Variants in CENPE observed in about 807,000 individuals in gnomAD.
CENPE encodes the protein centromere protein E.
A neutral mutation model predicts 336.1 loss-of-function variants in CENPE; 145 were observed. The ratio of observed to expected loss-of-function variants is 0.43; its 90% CI spans 0.38 to 0.50. CENPE has a LOEUF of 0.50. Ranked by LOEUF, CENPE falls within the 20% of genes least tolerant of loss-of-function variation. The probability of loss-of-function intolerance (pLI) is 0.00; values close to 1 mark genes in which losing one functional copy is unlikely to be tolerated. For missense variants in CENPE, 2,719 were observed against 3,023.3 expected, an observed-to-expected ratio of 0.90 and a Z score of 2.36; for synonymous variants, 1,013 against 984.8, an observed-to-expected ratio of 1.03 and a Z score of -0.54.
intron 25 of CENPE, 26 bp from the exon 26 acceptor site, chr4:103,151,403 T>C: frequency 6.7e-7 from 1 of 1,493,554 alleles, no homozygotes. Flanking sequence ...AAGTTGAGAT[T>C]AAAGTAAATA....
intron 46 of CENPE, among the ~76,000 whole-genome samples, chr4:103,114,045 CAG>C (rs1249278993): frequency 1.3e-5 from 2 of 151,996 alleles, no homozygotes; most frequent in Non-Finnish European, 1.5e-5. Context: ...CAAGAACAAA[CAG>C]AATAGTATTT....
At chr4:103,167,801 C>T (rs1206595378) in intron 16 of CENPE, among the ~76,000 whole-genome samples, 1 of 152,186 alleles carries the variant, frequency 6.6e-6, no homozygotes, top group African/African-American at 2.4e-5. Context: ...TTAGCTACAG[C>T]CCTGTTTGGC....
chr4:103,146,222 G>C lies in CENPE; in HGVS notation c.4135-115C>G, dbSNP rs72946150. On this transcript the variant is annotated intron_variant, in intron 29 of 48. Transcript: ENST00000265148. ...GGCAGGATTCAGTGCCTCATTTACA[G>C]AGCAATCTCTCCATTCTCCCACTCT... The C allele has an allele frequency of 8.8e-4, 776 of 883,508 alleles. 4 individuals are homozygous for C. The African/African-American group carries it at 0.012, about 13-fold the overall frequency. 54.7% of individuals were successfully genotyped at this position (883,508 alleles called of 1,614,324 possible). A position where few individuals can be genotyped will look rare whatever the true frequency, so the allele number is the denominator to read the frequency against.
chr4:103,147,214 C>T (rs764059470), intron 29 of CENPE, 142 bp downstream of exon 29: 200 of 642,664 alleles, frequency 3.1e-4, no homozygotes, highest in Middle Eastern at 4.4e-4. Flanking sequence ...TTTAATTGTT[C>T]TGTTTCTAGT....
Position 103,194,370 on chromosome 4 carries a change from C to G in CENPE, c.627+4G>C, listed in dbSNP as rs1757585473. The G allele has an allele frequency of 6.2e-7, 1 of 1,605,356 alleles. No individual in the cohort carries two copies. The highest frequency in any genetic ancestry group is 1.7e-5 in the Admixed American group (1 of 59,758). On this transcript the variant is annotated splice_donor_region_variant and intron_variant, in intron 7 of 48. Coordinates refer to ENST00000265148, the MANE Select transcript of CENPE (RefSeq NM_001813.3). ...AGATCTAACAGATAGATAGAATTAC[C>G]TACCATCCTAAAGATGGTATGAGAA...
chr4:103,168,999 G>A (rs749798840), intron 16 of CENPE, among the ~76,000 whole-genome samples: 3 of 152,180 alleles, frequency 2.0e-5, no homozygotes, highest in Non-Finnish European at 2.9e-5. Flanking sequence ...AGATGGAGAT[G>A]TATTATCTGC....
chr4:103,178,277 T>A (rs1242639818), intron 13 of CENPE, among the ~76,000 whole-genome samples: 1 of 152,134 alleles, frequency 6.6e-6, no homozygotes, highest in Non-Finnish European at 1.5e-5. Flanking sequence ...CAAGATAAAC[T>A]GGACCTTTAA....
intron 9 of CENPE, among the ~76,000 whole-genome samples, chr4:103,185,382 T>C (rs1400490448): frequency 6.6e-6 from 1 of 151,884 alleles, no homozygotes; most frequent in Non-Finnish European, 1.5e-5. Flanking sequence ...AGATATCACA[T>C]CTTTTAGGTT....
rs902710736 is a variant in CENPE, at chr4:103,147,241, G to T, written c.4134+115C>A. The T allele has an allele frequency of 1.2e-5, 10 of 861,238 alleles. No homozygotes were observed. The African/African-American group carries it at 1.7e-4, about 15-fold the overall frequency. The allele number at this position is 861,238 out of a possible 1,614,324, so 53.3% of individuals were successfully genotyped here. On this transcript the variant is annotated intron_variant, in intron 29 of 48. Coordinates refer to ENST00000265148, the MANE Select transcript of CENPE (RefSeq NM_001813.3). ...GTTTCTAGTCATTTCATGATTAAGA[G>T]ACATTAAAAAAACTGGTAACATAAT...
At chr4:103,134,134 A>G (rs781563640) in intron 40 of CENPE, among the ~76,000 whole-genome samples, 1 of 152,178 alleles carries the variant, frequency 6.6e-6, no homozygotes, top group Admixed American at 6.5e-5. Flanking sequence ...TACTTCTTGG[A>G]TGTCTTACAA....
intron 44 of CENPE, among the ~76,000 whole-genome samples, chr4:103,118,046 G>T (rs1337966820): frequency 1.3e-5 from 2 of 152,180 alleles, no homozygotes; most frequent in Admixed American, 6.5e-5. Flanking sequence ...ACATACACAT[G>T]CAGCCCTTTG....
Position 103,180,380 on chromosome 4 carries a change from A to G in CENPE, c.1173T>C (p.Asn391=), listed in dbSNP as rs1286367325. The G allele has an allele frequency of 6.2e-7, 1 of 1,613,248 alleles. No homozygotes were observed. The highest frequency in any genetic ancestry group is 1.7e-5 in the Admixed American group (1 of 59,986). ...EEKDLLQKVQ[N]EKIENLTRML... ...TCCGTGTTAAGTTTTCAATTTTCTC[A>G]TTCTGTACTTTCTGAAGCAAATCTT... The change falls in exon 13 of 49, where the codon AAT becomes AAC. Residue 391 remains asparagine (N), a synonymous_variant. Coordinates refer to ENST00000265148, the MANE Select transcript of CENPE (RefSeq NM_001813.3).
chr4:103,158,404 G>A lies in CENPE; in HGVS notation c.2929C>T (p.Gln977Ter), dbSNP rs1360457578. 2.5e-6 allele frequency: 4 copies of A among 1,605,594 alleles called. No individual in the cohort carries two copies. Among genetic ancestry groups the A allele is most frequent in the South Asian group, 2.2e-5 (2 of 90,060 alleles). ...GATTTTAGTGTATTAATTGTTTCTTGATGTTGTTTCAGAGACTCAAGAGCA... is the reference window on the plus strand; with the variant it reads ...GATTTTAGTGTATTAATTGTTTCTTAATGTTGTTTCAGAGACTCAAGAGCA... ...RNALESLKQH[Q>*]ETINTLKSKI... Residue 977 changes from glutamine (Q) to a stop codon, truncating the protein, a stop_gained, in exon 24 of 49, where the codon CAA becomes TAA. Coordinates refer to ENST00000265148, the MANE Select transcript of CENPE (RefSeq NM_001813.3). LOFTEE classifies it high-confidence loss of function.
rs1223974285 is a variant in CENPE at position 103,141,018 on chromosome 4, C to T, written c.5550G>A (p.Glu1850=). ...GGTCTTTTATTTGTTTCTTTAGTTG[C>T]TCCATTTCAGACACTTTTTTCTGTG... ...NETQKKVSEM[E]QLKKQIKDQS... is the part of the protein sequence containing the mutation. Residue 1850 remains glutamate, a synonymous_variant, in exon 36 of 49, where the codon GAG becomes GAA. Transcript: ENST00000265148. 1.9e-6 allele frequency: 3 copies of T among 1,605,046 alleles called. No homozygotes were observed. The highest frequency in any genetic ancestry group is 2.6e-6 in the Non-Finnish European group (3 of 1,173,152).
intron 44 of CENPE, among the ~76,000 whole-genome samples, chr4:103,117,070 A>G (rs2125854858): frequency 6.6e-6 from 1 of 152,328 alleles, no homozygotes; most frequent in Middle Eastern, 3.4e-3. Context: ...GCAGTGATGT[A>G]AACATCAAAC....
chr4:103,162,456 T>C (rs1244241577), intron 18 of CENPE, among the ~76,000 whole-genome samples: 1 of 152,146 alleles, frequency 6.6e-6, no homozygotes, highest in Non-Finnish European at 1.5e-5. Flanking sequence ...TAAAATCATC[T>C]AGAGCTATAA....
rs556377349 is a variant in CENPE, at chr4:103,163,782, C to G, written c.1648-229G>C. Among the ~76,000 whole-genome samples the G allele has an allele frequency of 9.2e-5, 14 of 151,528 alleles. No homozygotes were observed. The South Asian group carries it at 2.9e-3, about 32-fold the overall frequency. On this transcript the variant is annotated intron_variant, in intron 16 of 48. Transcript: ENST00000265148. ...ACATATCAAACAAATAAAAAAAAAC[C>G]CCTCAGCATGACCCCACCAAGTAGC...
chr4:103,184,490 T>C (rs1159268720), intron 9 of CENPE, among the ~76,000 whole-genome samples: 1 of 152,222 alleles, frequency 6.6e-6, no homozygotes, highest in South Asian at 2.1e-4. Flanking sequence ...AGTTTTTTTA[T>C]ATTGAAATTT....
At chr4:103,182,283 G>A (rs1210698147) in intron 11 of CENPE, among the ~76,000 whole-genome samples, 1 of 152,028 alleles carries the variant, frequency 6.6e-6, no homozygotes, top group Non-Finnish European at 1.5e-5. Flanking sequence ...TAAAGACAGG[G>A]TTTCTCCATG....
Sources: gnomAD v4.1 joint callset for allele counts (sites outside exome capture counted in the v4.1 genomes callset) on GRCh38, gnomAD v4.1.1 for gene constraint, MANE v1.5 for transcripts, NCBI Gene and HGNC (gene_info 2026-07-23, HGNC 2026-07-21) for gene names.